ZNF423: variants seen among roughly 807,000 people sequenced by gnomAD.
ZNF423 encodes zinc finger protein 423, also known as Ebf-associated zinc finger protein.
Under a neutral mutation model 95.8 loss-of-function variants are expected in ZNF423, and 12 were observed. The ratio of observed to expected loss-of-function variants is 0.13; its 90% CI spans 0.08 to 0.20. The LOEUF (loss-of-function observed/expected upper bound fraction) is 0.20, where lower values mean the gene tolerates loss of function less well. Ranked by LOEUF, ZNF423 falls within the 10% of genes least tolerant of loss-of-function variation. The probability of loss-of-function intolerance (pLI) is 1.00; values close to 1 mark genes in which losing one functional copy is unlikely to be tolerated. For missense variants in ZNF423, 1,316 were observed against 1,737.1 expected, an observed-to-expected ratio of 0.76 and a Z score of 4.31; for synonymous variants, 749 against 711.9, an observed-to-expected ratio of 1.05 and a Z score of -0.83.
chr16:49,755,258 G>A (rs1048922545), intron 2 of ZNF423, among the ~76,000 whole-genome samples: 21 of 152,154 alleles, frequency 1.4e-4, no homozygotes, highest in Admixed American at 5.2e-4. Context: ...AGAGGGCACA[G>A]CCCCCAGAAG....
intron 3 of ZNF423, chr16:49,664,276 A>C: frequency 1.0e-6 from 1 of 985,530 alleles, no homozygotes; most frequent in Non-Finnish European, 1.2e-6. Flanking sequence ...CCGGCGGAGA[A>C]GGATGGGCCG....
intron 3 of ZNF423, among the ~76,000 whole-genome samples, chr16:49,656,897 T>G (rs1016914821): frequency 1.3e-5 from 2 of 152,160 alleles, no homozygotes; most frequent in African/African-American, 2.4e-5. Context: ...CTTATAAAGG[T>G]TAATTGACAG....
chr16:49,551,658 C>T (rs2151753986), intron 5 of ZNF423, among the ~76,000 whole-genome samples: 1 of 152,264 alleles, frequency 6.6e-6, no homozygotes, highest in East Asian at 1.9e-4. Context: ...AGCTGGGATC[C>T]AGAGAGGAGG....
At chr16:49,662,425 G>A (rs926577145) in intron 3 of ZNF423, among the ~76,000 whole-genome samples, 3 of 152,120 alleles carry the variant, frequency 2.0e-5, no homozygotes, top group Non-Finnish European at 4.4e-5. Flanking sequence ...GACAAACAGC[G>A]AGTCACCTGC....
At chr16:49,619,507 G>A (rs1971985754) in intron 5 of ZNF423, among the ~76,000 whole-genome samples, 1 of 152,186 alleles carries the variant, frequency 6.6e-6, no homozygotes, top group Non-Finnish European at 1.5e-5. Context: ...GGGAAACCAA[G>A]TCCTTTGGGC....
intron 5 of ZNF423, among the ~76,000 whole-genome samples, chr16:49,615,133 C>CACAT (rs1452492018): frequency 1.3e-5 from 2 of 149,944 alleles, no homozygotes; most frequent in Non-Finnish European, 3.0e-5. Context: ...CTCCATCTCA[C>CACAT]ACACACACAC....
intron 5 of ZNF423, among the ~76,000 whole-genome samples, chr16:49,598,550 C>T (rs1971255106): frequency 6.6e-6 from 1 of 152,234 alleles, no homozygotes; most frequent in African/African-American, 2.4e-5. Context: ...TGTGGGCCCT[C>T]GCTGCTGACA....
In ZNF423 at chr16:49,638,687, C is replaced by A. The variant is rs750295672; in HGVS notation, c.489G>T (p.Arg163Ser). ...GCTTGTCGCTGTGGATCTGCTCGTG[C>A]CTCTTCAAGTAGCTCAAGCGGATGA... ...KSFIRLSYLK[R>S]HEQIHSDKLP... The change falls in exon 4 of 8, where the codon AGG (arginine) becomes AGT (serine). Residue 163 changes from arginine (R) to serine (S), a missense_variant. Arg to Ser is a moderately radical substitution (Grantham distance 110). Coordinates refer to ENST00000563137, the MANE Select transcript of ZNF423 (RefSeq NM_001379286.1). This position sits in a 1 kb window ranked among gnomAD's most constrained non-coding sequence, Gnocchi z 5.6. 6.2e-7 allele frequency: 1 copy of A among 1,614,130 alleles called. No individual in the cohort carries two copies.
In ZNF423 at chr16:49,855,001, C is replaced by T. The variant is rs2035343924; in HGVS notation, c.40+734G>A. Reference sequence around the variant, plus strand: ...CGCGGAGGGGCGCGCACCGCGGCCGCTGAGCTCCCCTGAGGACCTGCGTCC... The same window carrying T: ...CGCGGAGGGGCGCGCACCGCGGCCGTTGAGCTCCCCTGAGGACCTGCGTCC... On this transcript the variant is annotated intron_variant, in intron 1 of 7. Coordinates refer to ENST00000563137, the MANE Select transcript of ZNF423 (RefSeq NM_001379286.1). This position sits in a 1 kb window ranked among gnomAD's most constrained non-coding sequence, Gnocchi z 4.7. 1.0e-6 allele frequency: 1 copy of T among 984,932 alleles called. No homozygotes were observed. The highest frequency in any genetic ancestry group is 1.2e-6 in the Non-Finnish European group (1 of 829,694). The allele number at this position is 984,932 out of a possible 1,614,324, so 61.0% of individuals were successfully genotyped here.
intron 2 of ZNF423, among the ~76,000 whole-genome samples, chr16:49,741,101 G>A (rs1443662867): frequency 2.0e-5 from 3 of 152,068 alleles, no homozygotes; most frequent in African/African-American, 7.2e-5. Context: ...AGAAATGAGT[G>A]TACAAGCGAA....
At chr16:49,723,080 C>G (rs1260026892) in intron 3 of ZNF423, among the ~76,000 whole-genome samples, 1 of 151,478 alleles carries the variant, frequency 6.6e-6, no homozygotes, top group African/African-American at 2.4e-5. Context: ...CTCAGCCTCC[C>G]GAGTAGCTGG....
intron 2 of ZNF423, among the ~76,000 whole-genome samples, chr16:49,745,289 C>T (rs1241518864): frequency 6.6e-6 from 1 of 152,140 alleles, no homozygotes; most frequent in South Asian, 2.1e-4. Context: ...CGTGCTCTCC[C>T]AAAACACTTA....
chr16:49,848,700 A>G (rs1260167828), intron 1 of ZNF423, among the ~76,000 whole-genome samples: 1 of 152,184 alleles, frequency 6.6e-6, no homozygotes, highest in African/African-American at 2.4e-5. Context: ...ATTGGAGAAA[A>G]ACAAAATTAG....
At position 49,609,170 on chromosome 16, in the gene ZNF423, G is replaced by A. The variant is rs77567566; in HGVS notation, c.3601+17000C>T. Among the ~76,000 whole-genome samples, 1,394 of 152,232 alleles carry A rather than the reference G, an allele frequency of 9.2e-3. 22 individuals are homozygous for A. The highest frequency in any genetic ancestry group is 0.032 in the African/African-American group (1,338 of 41,528). ...GAGTGGAGACCTAGGGAGGAAACGAGCCTGGAATTCTACCCACACCTGGCA... is the reference window on the plus strand; with the variant it reads ...GAGTGGAGACCTAGGGAGGAAACGAACCTGGAATTCTACCCACACCTGGCA... On this transcript the variant is annotated intron_variant, in intron 5 of 7. Coordinates refer to ENST00000563137, the MANE Select transcript of ZNF423 (RefSeq NM_001379286.1).
intron 3 of ZNF423, among the ~76,000 whole-genome samples, chr16:49,729,238 A>T (rs972184371): frequency 6.6e-6 from 1 of 152,206 alleles, no homozygotes; most frequent in East Asian, 1.9e-4. Flanking sequence ...TCATTAGATC[A>T]ATTAGTTGAT....
chr16:49,822,756 A>C, intron 1 of ZNF423: 1 of 1,591,974 alleles, frequency 6.3e-7, no homozygotes, highest in African/African-American at 1.4e-5. Context: ...AATAAATACA[A>C]AATTTCTTAT....
At chr16:49,502,859 C>A (rs1967470038) in intron 7 of ZNF423, among the ~76,000 whole-genome samples, 1 of 140,280 alleles carries the variant, frequency 7.1e-6, no homozygotes, top group Non-Finnish European at 1.5e-5. Flanking sequence ...ACACGGATAC[C>A]CCCCAATCCC....
rs1567522110 is a variant in ZNF423 at position 49,637,720 on chromosome 16, A to T, written c.1456T>A (p.Ser486Thr). Residue 486 changes from serine to threonine, a missense_variant, in exon 4 of 8, where the codon TCT (serine) becomes ACT (threonine). By Grantham distance (58) the Ser-to-Thr change is moderately conservative. This residue lies in a region of ZNF423 where 399 missense variants were observed against 478.5 expected (regional missense o/e 0.83). Coordinates refer to ENST00000563137, the MANE Select transcript of ZNF423 (RefSeq NM_001379286.1). This position sits in a 1 kb window ranked among gnomAD's most constrained non-coding sequence, Gnocchi z 5.6. Reference sequence around the variant, plus strand: ...GGGCAGTAGTTGCAGTGGAAGGCAGAGATGTTGCCAAACTGCATCACAGGG... The same window carrying T: ...GGGCAGTAGTTGCAGTGGAAGGCAGTGATGTTGCCAAACTGCATCACAGGG... ...AYPVMQFGNI[S>T]AFHCNYCPEM... The T allele has an allele frequency of 6.2e-7, 1 of 1,614,150 alleles. No homozygotes were observed. Among genetic ancestry groups the T allele is most frequent in the South Asian group, 1.1e-5 (1 of 91,090 alleles).
At chr16:49,565,411 G>C (rs752540049) in intron 5 of ZNF423, among the ~76,000 whole-genome samples, 56 of 152,148 alleles carry the variant, frequency 3.7e-4, no homozygotes, top group Non-Finnish European at 4.6e-4. Context: ...AAGCCAAAAG[G>C]CTTCTTCAAA....
Sources: gnomAD v4.1 joint callset for allele counts (sites outside exome capture counted in the v4.1 genomes callset) on GRCh38, gnomAD v4.1.1 for gene constraint, gnomAD v4.1.1 regional missense constraint, Gnocchi (gnomAD v3.1) non-coding constraint, MANE v1.5 for transcripts, NCBI Gene and HGNC (gene_info 2026-07-23, HGNC 2026-07-21) for gene names.